The following MTUS2 variants were observed in gnomAD, a reference collection of about 807,000 sequenced individuals.
MTUS2 encodes the protein microtubule-associated tumor suppressor candidate 2.
In MTUS2, 40 loss-of-function variants were observed where a neutral mutation model predicts 114.1. The observed-to-expected ratio is 0.35, with a 90% CI of 0.27 to 0.46. The LOEUF (loss-of-function observed/expected upper bound fraction) is 0.46. MTUS2 is among the 20% of genes least tolerant of loss of function. The pLI is 1.00. For missense variants in MTUS2, 1,679 were observed against 1,705.4 expected (o/e 0.98, Z 0.27); for synonymous variants, 688 against 672.0 (o/e 1.02, Z -0.37).
chr13:29,478,501 T>A (rs1443910136), intron 9 of MTUS2, among the ~76,000 whole-genome samples: 1 of 152,220 alleles, frequency 6.6e-6, no homozygotes, highest in Admixed American at 6.5e-5. Context: ...TTCAAAAACC[T>A]GAAAGGTAAG....
intron 9 of MTUS2, among the ~76,000 whole-genome samples, chr13:29,460,894 C>T (rs1410470899): frequency 1.4e-5 from 2 of 146,164 alleles, no homozygotes; most frequent in Non-Finnish European, 3.0e-5. Context: ...AGTCAACAAT[C>T]TAAAAAAAAA....
At chr13:29,132,181 T>TA (rs1891794332) in intron 5 of MTUS2, among the ~76,000 whole-genome samples, 1 of 152,250 alleles carries the variant, frequency 6.6e-6, no homozygotes, top group South Asian at 2.1e-4. Context: ...TTTCTTTTTT[T>TA]ATGGGATAAA....
chr13:29,387,395 G>A (rs1872698550), intron 8 of MTUS2, among the ~76,000 whole-genome samples: 1 of 152,190 alleles, frequency 6.6e-6, no homozygotes, highest in African/African-American at 2.4e-5. Flanking sequence ...AGGAAGGATG[G>A]AGAAGAGACT....
At chr13:29,328,161 T>G (rs1333856804) in intron 7 of MTUS2, among the ~76,000 whole-genome samples, 2 of 151,374 alleles carry the variant, frequency 1.3e-5, no homozygotes, top group Non-Finnish European at 2.9e-5. Flanking sequence ...TAAATTTTAT[T>G]AATTTACAAA....
chr13:29,330,927 T>A (rs1458107306), intron 7 of MTUS2, among the ~76,000 whole-genome samples: 1 of 152,184 alleles, frequency 6.6e-6, no homozygotes, highest in Non-Finnish European at 1.5e-5. Flanking sequence ...GGCTCTTTTT[T>A]GGTTCCATAT....
intron 4 of MTUS2, among the ~76,000 whole-genome samples, chr13:29,081,530 G>A (rs923892321): frequency 3.3e-5 from 5 of 151,210 alleles, no homozygotes; most frequent in Admixed American, 1.3e-4. Context: ...GAAGCAAAAC[G>A]TTTCTTGTAC....
chr13:29,382,165 G>T (rs972230815), intron 8 of MTUS2, among the ~76,000 whole-genome samples: 2 of 152,196 alleles, frequency 1.3e-5, no homozygotes, highest in African/African-American at 4.8e-5. Context: ...GTTGGGTGAA[G>T]GGAATGGGAG....
intron 4 of MTUS2, among the ~76,000 whole-genome samples, chr13:29,037,076 T>G (rs1887114312): frequency 6.6e-6 from 1 of 152,162 alleles, no homozygotes; most frequent in Non-Finnish European, 1.5e-5. Flanking sequence ...TTATTTTGCC[T>G]GTTAGTTGAT....
chr13:28,904,566 A>G (rs942785023), intron 2 of MTUS2, among the ~76,000 whole-genome samples: 4 of 152,038 alleles, frequency 2.6e-5, no homozygotes, highest in African/African-American at 9.7e-5. Context: ...ATGGTTATAG[A>G]TATGCAGCAT....
At chr13:28,924,072 A>G (rs910324598) in intron 2 of MTUS2, among the ~76,000 whole-genome samples, 1 of 152,092 alleles carries the variant, frequency 6.6e-6, no homozygotes, top group Non-Finnish European at 1.5e-5. Context: ...GTAGGATTCC[A>G]GTTTGATTCA....
chr13:28,956,439 T>C (rs917301396), intron 2 of MTUS2, among the ~76,000 whole-genome samples: 1 of 152,034 alleles, frequency 6.6e-6, no homozygotes, highest in African/African-American at 2.4e-5. Flanking sequence ...CCACTGGAGG[T>C]TGGCTTCCCA....
At chr13:28,846,070 A>ATG (rs1467600501) in intron 2 of MTUS2, among the ~76,000 whole-genome samples, 5 of 149,682 alleles carry the variant, frequency 3.3e-5, no homozygotes, top group African/African-American at 9.7e-5. Context: ...ATATATATAT[A>ATG]TATATTCCTC....
intron 2 of MTUS2, among the ~76,000 whole-genome samples, chr13:28,871,331 G>A (rs1442182149): frequency 6.6e-6 from 1 of 152,144 alleles, no homozygotes; most frequent in East Asian, 1.9e-4. Context: ...AGGTTTTGAC[G>A]TGTCCTAGTT....
At chr13:29,258,477 G>A (rs7998709) in intron 5 of MTUS2, among the ~76,000 whole-genome samples, 16,402 of 152,174 alleles carry the variant, frequency 0.11, 980 homozygotes, top group African/African-American at 0.12. Flanking sequence ...CTAATCCCAC[G>A]AGTCAAATTC....
chr13:29,129,563 GT>G (rs202001370), intron 5 of MTUS2, among the ~76,000 whole-genome samples: 9 of 75,320 alleles, frequency 1.2e-4, no homozygotes, highest in African/African-American at 1.7e-4. Context: ...TTACTTTGTA[GT>G]TTTTTTTATT....
chr13:29,233,165 C>T (rs903029609), intron 5 of MTUS2, among the ~76,000 whole-genome samples: 17 of 151,606 alleles, frequency 1.1e-4, no homozygotes, highest in African/African-American at 3.2e-4. Flanking sequence ...TTCATTCTTC[C>T]GACTGTGATG....
At chr13:29,292,789 A>G (rs2139580953) in intron 6 of MTUS2, among the ~76,000 whole-genome samples, 1 of 152,284 alleles carries the variant, frequency 6.6e-6, no homozygotes, top group Admixed American at 6.5e-5. Context: ...GATTATAGAG[A>G]TAAAAATCTG....
At chr13:29,491,437 G>C (rs1164342486) in intron 11 of MTUS2, among the ~76,000 whole-genome samples, 7 of 150,406 alleles carry the variant, frequency 4.7e-5, no homozygotes, top group Non-Finnish European at 1.0e-4. Context: ...TGTGTGGTGT[G>C]TGTGTAGTGG....
chr13:28,895,065 C>G (rs747893151), intron 2 of MTUS2, among the ~76,000 whole-genome samples: 3 of 152,190 alleles, frequency 2.0e-5, no homozygotes, highest in Non-Finnish European at 4.4e-5. Context: ...TTCTAAAAAT[C>G]ATTTGTTCAC....
Sources: gnomAD v4.1 joint callset for allele counts (sites outside exome capture counted in the v4.1 genomes callset) on GRCh38, gnomAD v4.1.1 for gene constraint, MANE v1.5 for transcripts, NCBI Gene and HGNC (gene_info 2026-07-23, HGNC 2026-07-21) for gene names.